The following ZNF738 variants were observed in gnomAD, a reference collection of about 807,000 sequenced individuals.
ZNF738 encodes the protein zinc finger protein 738, also known as protein ZNF738.
A neutral mutation model predicts 9.2 loss-of-function variants in ZNF738; 10 were observed. That is an observed-to-expected ratio of 1.09 (90% CI 0.67 to 1.85). The LOEUF is 1.85. Among genes scored for constraint, ZNF738 ranks in the 40% most tolerant of loss-of-function variants. ZNF738 has a pLI of 0.00. For missense variants in ZNF738, 346 were observed against 283.6 expected (o/e 1.22, Z -1.58); for synonymous variants, 113 against 94.5 (o/e 1.20, Z -1.14).
intron 2 of ZNF738, chr19:21,372,595 T>C (rs1018893104): frequency 6.6e-6 from 1 of 152,234 alleles, no homozygotes; most frequent in Non-Finnish European, 1.5e-5. Context: ...TTTAGCAGAT[T>C]TTCTGTTCCT....
Position 21,383,264 on chromosome 19 carries a change from G to A in ZNF738, c.718G>A (p.Ala240Thr), listed in dbSNP as rs949416094. Residue 240 changes from alanine (A) to threonine (T), a missense_variant, in exon 5 of 5, where the codon GCC (alanine) becomes ACC (threonine). Coordinates refer to ENST00000683779, the MANE Select transcript of ZNF738 (RefSeq NM_001355237.2). ...TTACCAATGTGAAGAATGTGGCAAA[G>A]CCTTTAAATGGTTCTCAACCCTTAC... Reference protein sequence around the residue: ...NSYQCEECGKAFKWFSTLTRH... With the variant: ...NSYQCEECGKTFKWFSTLTRH... The A allele has an allele frequency of 4.4e-6, 7 of 1,584,924 alleles. No homozygotes were observed. The African/African-American group carries it at 6.7e-5, about 15-fold the overall frequency.
At chr19:21,369,376 G>A (rs187661148) in intron 2 of ZNF738, among the ~76,000 whole-genome samples, 1 of 152,216 alleles carries the variant, frequency 6.6e-6, no homozygotes, top group East Asian at 1.9e-4. Flanking sequence ...CTCCTAAAGT[G>A]CTGGCATTAC....
chr19:21,359,149 A>G lies in ZNF738; in HGVS notation c.3+6A>G. On this transcript the variant is annotated splice_donor_region_variant and intron_variant, in intron 1 of 4. Transcript: ENST00000683779. ...ACCCTGGAAGCCTAGAAATGGTGAG[A>G]GTGCGGGGTCCAACATCCCGAGAGA... 1.9e-6 allele frequency: 2 copies of G among 1,053,048 alleles called. No individual in the cohort carries two copies. Among genetic ancestry groups the G allele is most frequent in the Non-Finnish European group, 3.0e-6 (2 of 669,454 alleles). The allele number at this position is 1,053,048 out of a possible 1,614,324, so 65.2% of individuals were successfully genotyped here.
intron 2 of ZNF738, among the ~76,000 whole-genome samples, chr19:21,373,846 G>A (rs1433373909): frequency 2.1e-5 from 3 of 141,664 alleles, no homozygotes; most frequent in African/African-American, 7.9e-5. Context: ...CCTGGAGTGC[G>A]ATGCATTTAG....
chr19:21,381,868 C>T, intron 4 of ZNF738: 1 of 278,886 alleles, frequency 3.6e-6, no homozygotes, highest in Non-Finnish European at 7.3e-6. Context: ...GGGTGGGCTG[C>T]AGCTTCCTCT....
At chr19:21,361,221 TCTGCCTCCCGGGTTCAGGCGATTCTC>T in intron 1 of ZNF738, among the ~76,000 whole-genome samples, 1 of 152,110 alleles carries the variant, frequency 6.6e-6, no homozygotes. Flanking sequence ...CACCGCAACT[TCTGCCTCCCGGGTTCAGGCGATTCTC>T]CTGCCTCAGC....
At chr19:21,364,772 A>C (rs1372759590) in intron 2 of ZNF738, among the ~76,000 whole-genome samples, 1 of 114,678 alleles carries the variant, frequency 8.7e-6, no homozygotes, top group African/African-American at 3.3e-5. Context: ...TTTGAGAGGG[A>C]GTCTTGCTCT....
intron 4 of ZNF738, chr19:21,381,629 G>T: frequency 1.9e-6 from 1 of 516,066 alleles, no homozygotes; most frequent in Non-Finnish European, 3.5e-6. Context: ...GAGTAGCTGG[G>T]ACTACAGGCA....
intron 4 of ZNF738, chr19:21,377,529 C>T: frequency 1.8e-6 from 1 of 571,190 alleles, no homozygotes; most frequent in Non-Finnish European, 3.1e-6. Context: ...CACACACACA[C>T]ACACAAAATT....
chr19:21,364,597 G>T (rs544559999), intron 2 of ZNF738, among the ~76,000 whole-genome samples: 52 of 152,244 alleles, frequency 3.4e-4, no homozygotes, highest in Admixed American at 7.2e-4. Flanking sequence ...AGGGTCCTTG[G>T]ATTTCATTCT....
rs541414091 is a variant in ZNF738, at chr19:21,383,704, C to A, written c.*30C>A. The A allele has an allele frequency of 1.3e-4, 135 of 1,005,656 alleles. 2 individuals carry two copies. In the East Asian group the frequency reaches 2.6e-3, roughly 20 times the overall value. The allele number at this position is 1,005,656 out of a possible 1,614,324, so 62.3% of individuals were successfully genotyped here. On this transcript the variant is annotated 3_prime_UTR_variant, in exon 5 of 5. Transcript: ENST00000683779. ...GCAAAGCCTTTAATGTATTCGCAACCCTTACTAGACATAAGATAATTCATA... is the reference window on the plus strand; with the variant it reads ...GCAAAGCCTTTAATGTATTCGCAACACTTACTAGACATAAGATAATTCATA...
intron 1 of ZNF738, 114 bp downstream of exon 1, chr19:21,359,257 C>A: frequency 1.2e-6 from 1 of 823,710 alleles, no homozygotes; most frequent in Non-Finnish European, 2.2e-6. Flanking sequence ...ATCTGCGCCC[C>A]GAGTTCTCCT....
chr19:21,387,788 G>T lies in ZNF738; in HGVS notation c.*4114G>T, dbSNP rs6511236. ...GGACATTACAAACATAAAGAGGGTT[G>T]TAGTACCTTTACTTGAATCAAATTT... On this transcript the variant is annotated 3_prime_UTR_variant, in exon 5 of 5. Transcript: ENST00000683779. 0.026 allele frequency among the ~76,000 whole-genome samples: 4,031 copies of T among 152,252 alleles called. 164 individuals carry two copies. The highest frequency in any genetic ancestry group is 0.091 in the African/African-American group (3,787 of 41,538).
chr19:21,377,487 G>A (rs1973944355), intron 4 of ZNF738: 1 of 696,798 alleles, frequency 1.4e-6, no homozygotes, highest in Non-Finnish European at 2.6e-6. Flanking sequence ...ACCTTAGTGT[G>A]ACATACACAC....
At chr19:21,374,015 A>G (rs902069447) in intron 2 of ZNF738, among the ~76,000 whole-genome samples, 2 of 152,150 alleles carry the variant, frequency 1.3e-5, no homozygotes, top group Non-Finnish European at 2.9e-5. Flanking sequence ...CTTATACGCC[A>G]TGCAGAATTC....
At chr19:21,379,326 C>G (rs1250002583) in intron 4 of ZNF738, 3 of 152,118 alleles carry the variant, frequency 2.0e-5, no homozygotes, top group Non-Finnish European at 4.4e-5. Flanking sequence ...CTGTCCCAGT[C>G]TTTGTAATGT....
At chr19:21,380,514 T>G (rs1480540508) in intron 4 of ZNF738, among the ~76,000 whole-genome samples, 1 of 152,118 alleles carries the variant, frequency 6.6e-6, no homozygotes, top group Non-Finnish European at 1.5e-5. Flanking sequence ...GTGGGCTAGA[T>G]GGCTTTAAGA....
intron 2 of ZNF738, among the ~76,000 whole-genome samples, chr19:21,367,852 T>G (rs1973804620): frequency 6.6e-6 from 1 of 152,192 alleles, no homozygotes; most frequent in South Asian, 2.1e-4. Context: ...CACAGCATAT[T>G]TGATCCTAGG....
At chr19:21,361,160 G>A (rs528756536) in intron 1 of ZNF738, among the ~76,000 whole-genome samples, 41 of 151,072 alleles carry the variant, frequency 2.7e-4, no homozygotes, top group South Asian at 6.3e-4. Context: ...GTTTTGAGAC[G>A]GAGTTTTGCT....
Sources: gnomAD v4.1 joint callset for allele counts (sites outside exome capture counted in the v4.1 genomes callset) on GRCh38, gnomAD v4.1.1 for gene constraint, MANE v1.5 for transcripts, NCBI Gene and HGNC (gene_info 2026-07-23, HGNC 2026-07-21) for gene names.